The following SORCS1 variants were observed in gnomAD, a reference collection of about 807,000 sequenced individuals.
The protein encoded by SORCS1 is sortilin related VPS10 domain containing receptor 1, also known as VPS10 domain-containing receptor SorCS1.
SORCS1 carries 60 observed loss-of-function variants against 146.1 expected under a neutral mutation model. The observed-to-expected ratio is 0.41, with a 90% CI of 0.33 to 0.51. The LOEUF (loss-of-function observed/expected upper bound fraction) is 0.51. SORCS1 is among the 20% of genes least tolerant of loss of function. The probability of loss-of-function intolerance (pLI) is 0.21; values close to 1 mark genes in which losing one functional copy is unlikely to be tolerated. For synonymous variants in SORCS1, 637 were observed against 584.0 expected (o/e 1.09, Z -1.31); for missense variants, 1,352 against 1,487.6 (o/e 0.91, Z 1.50).
At chr10:106,668,951 C>T (rs11598147) in intron 16 of SORCS1, among the ~76,000 whole-genome samples, 18,849 of 152,066 alleles carry the variant, frequency 0.12, 1,469 homozygotes, top group East Asian at 0.31. Flanking sequence ...CTCCAGCTAC[C>T]GGTAGAACCC....
chr10:106,856,017 G>C (rs1046418045), intron 2 of SORCS1, among the ~76,000 whole-genome samples: 6 of 144,864 alleles, frequency 4.1e-5, no homozygotes, highest in African/African-American at 1.6e-4. Context: ...AAGCGAAGAG[G>C]GAGACACAAC....
intron 3 of SORCS1, among the ~76,000 whole-genome samples, chr10:106,805,660 C>T (rs1947125167): frequency 6.6e-6 from 1 of 152,098 alleles, no homozygotes; most frequent in Admixed American, 6.5e-5. Context: ...TAGTTCATGC[C>T]ATGACAGAAA....
At chr10:106,755,638 C>T (rs950043063) in intron 5 of SORCS1, among the ~76,000 whole-genome samples, 5 of 151,854 alleles carry the variant, frequency 3.3e-5, no homozygotes, top group Admixed American at 2.6e-4. Context: ...ATTACATTTC[C>T]TCCAACCTTG....
chr10:106,929,349 G>GGAAA (rs1308928873), intron 2 of SORCS1, among the ~76,000 whole-genome samples: 1 of 151,898 alleles, frequency 6.6e-6, no homozygotes, highest in Non-Finnish European at 1.5e-5. Context: ...AGTCACAAAA[G>GGAAA]GAAAGAAAGA....
chr10:106,912,111 TC>T (rs1301839402), intron 2 of SORCS1, among the ~76,000 whole-genome samples: 8 of 82,560 alleles, frequency 9.7e-5, no homozygotes, highest in African/African-American at 4.6e-4. Context: ...AGCCTCCGTC[TC>T]AAAAAAAAAA....
At chr10:106,582,660 C>A (rs963785622) in intron 24 of SORCS1, among the ~76,000 whole-genome samples, 1 of 152,154 alleles carries the variant, frequency 6.6e-6, no homozygotes, top group Non-Finnish European at 1.5e-5. Context: ...GCAGCTTAAA[C>A]AAGGTAGACG....
At chr10:106,836,622 T>C (rs1020185093) in intron 2 of SORCS1, among the ~76,000 whole-genome samples, 2 of 152,192 alleles carry the variant, frequency 1.3e-5, no homozygotes, top group Non-Finnish European at 2.9e-5. Flanking sequence ...TTGAGCATTT[T>C]TTGGTAAAAG....
At position 106,825,263 on chromosome 10, in the gene SORCS1, T is replaced by C. The variant is rs1948244416; in HGVS notation, c.726+4311A>G. ...AGAGAATTTGAGAGTGAAATTGAGA[T>C]TTCAACTTTTTTTTTTTTTTTTTTT... is the stretch of plus-strand genomic sequence containing the variant. On this transcript the variant is annotated intron_variant, in intron 3 of 25. Transcript: ENST00000263054. Among the ~76,000 whole-genome samples the C allele has an allele frequency of 2.1e-5, 3 of 144,986 alleles. No individual in the cohort carries two copies. In the Admixed American group the frequency reaches 2.2e-4, roughly 10 times the overall value.
intron 24 of SORCS1, among the ~76,000 whole-genome samples, chr10:106,585,979 A>T (rs1410614680): frequency 2.0e-5 from 3 of 152,252 alleles, no homozygotes; most frequent in Non-Finnish European, 4.4e-5. Context: ...TTGCAGACAG[A>T]CAAGTGAATG....
intron 6 of SORCS1, among the ~76,000 whole-genome samples, chr10:106,728,424 C>A (rs922245743): frequency 1.3e-5 from 2 of 152,198 alleles, no homozygotes; most frequent in East Asian, 3.9e-4. Context: ...GGGAAAGCTG[C>A]TCTGACCTGT....
intron 2 of SORCS1, among the ~76,000 whole-genome samples, chr10:106,900,996 G>T (rs1354969445): frequency 6.6e-6 from 1 of 152,100 alleles, no homozygotes. Flanking sequence ...TTCTTCTTCT[G>T]ATCTCTTTAG....
chr10:106,978,898 T>C (rs966184429), intron 1 of SORCS1, among the ~76,000 whole-genome samples: 5 of 152,132 alleles, frequency 3.3e-5, no homozygotes, highest in Admixed American at 2.6e-4. Context: ...CAAAAGCAGC[T>C]ATAGACAATA....
chr10:107,122,268 G>C (rs1394632614), intron 1 of SORCS1, among the ~76,000 whole-genome samples: 1 of 152,182 alleles, frequency 6.6e-6, no homozygotes, highest in African/African-American at 2.4e-5. Flanking sequence ...TTTCGTCCAT[G>C]TACTATTTCT....
At chr10:106,608,650 A>T (rs1410450145) in intron 22 of SORCS1, among the ~76,000 whole-genome samples, 1 of 152,198 alleles carries the variant, frequency 6.6e-6, no homozygotes, top group Non-Finnish European at 1.5e-5. Flanking sequence ...CTTTGAAGCA[A>T]ATATGATTAC....
chr10:107,047,993 G>A (rs1959674276), intron 1 of SORCS1, among the ~76,000 whole-genome samples: 1 of 152,210 alleles, frequency 6.6e-6, no homozygotes, highest in South Asian at 2.1e-4. Context: ...GGAGGTGGGA[G>A]GATCACCTGA....
chr10:106,956,270 C>A (rs573979209), intron 2 of SORCS1, among the ~76,000 whole-genome samples: 83 of 152,272 alleles, frequency 5.5e-4, no homozygotes, highest in African/African-American at 2.0e-3. Flanking sequence ...ATAAACACAA[C>A]CTATCATACA....
At chr10:107,180,318 A>G in the SORCS1 span, among the ~76,000 whole-genome samples, 2 of 152,180 alleles carry the variant, frequency 1.3e-5, no homozygotes, top group Admixed American at 6.5e-5. Context: ...TCTTTGAAAA[A>G]GTATTATAAT....
intron 24 of SORCS1, among the ~76,000 whole-genome samples, chr10:106,586,853 G>C (rs1033550012): frequency 6.6e-6 from 1 of 152,116 alleles, no homozygotes; most frequent in Admixed American, 6.5e-5. Context: ...CTACTCGAGA[G>C]GCTGAGGCAG....
intron 2 of SORCS1, among the ~76,000 whole-genome samples, chr10:106,891,292 C>T (rs566522622): frequency 2.0e-5 from 3 of 151,922 alleles, no homozygotes; most frequent in South Asian, 2.1e-4. Flanking sequence ...TGCTAATAAC[C>T]GGTGGCCCCT....
Sources: allele counts gnomAD v4.1 joint callset (sites outside exome capture counted in the v4.1 genomes callset), GRCh38; gene constraint gnomAD v4.1.1; transcripts MANE v1.5; gene names NCBI Gene and HGNC (gene_info 2026-07-23, HGNC 2026-07-21).